KCNIP4: variants seen among roughly 807,000 people sequenced by gnomAD.
The protein encoded by KCNIP4 is Kv channel-interacting protein 4.
Under a neutral mutation model 34.0 loss-of-function variants are expected in KCNIP4, and 12 were observed. That is an observed-to-expected ratio of 0.35 (90% CI 0.23 to 0.57). The LOEUF (loss-of-function observed/expected upper bound fraction) is 0.57. Ranked by LOEUF, KCNIP4 falls within the 20% of genes least tolerant of loss-of-function variation. The pLI is 0.83. For missense variants in KCNIP4, 238 were observed against 311.7 expected, an observed-to-expected ratio of 0.76 and a Z score of 1.78; for synonymous variants, 124 against 102.2, an observed-to-expected ratio of 1.21 and a Z score of -1.29.
chr4:21,463,726 A>C (rs2109783009), intron 1 of KCNIP4, among the ~76,000 whole-genome samples: 2 of 152,092 alleles, frequency 1.3e-5, no homozygotes. Context: ...AGCTCCTAGA[A>C]TGGGTTTGGA....
At chr4:21,115,925 T>G (rs2109118132) in intron 1 of KCNIP4, among the ~76,000 whole-genome samples, 1 of 152,336 alleles carries the variant, frequency 6.6e-6, no homozygotes, top group East Asian at 1.9e-4. Flanking sequence ...TAACCAAATG[T>G]TTTTGAAAGA....
chr4:21,210,706 CTA>C (rs763200147), intron 1 of KCNIP4, among the ~76,000 whole-genome samples: 1 of 152,046 alleles, frequency 6.6e-6, no homozygotes, highest in African/African-American at 2.4e-5. Flanking sequence ...ACTGAAAGAG[CTA>C]TATGTTTTCC....
chr4:21,140,857 C>G (rs1269251044), intron 1 of KCNIP4, among the ~76,000 whole-genome samples: 1 of 152,190 alleles, frequency 6.6e-6, no homozygotes, highest in Non-Finnish European at 1.5e-5. Flanking sequence ...TCCTCTCAGT[C>G]TCAGTTTCTT....
chr4:21,014,858 G>A (rs757535194), intron 1 of KCNIP4, among the ~76,000 whole-genome samples: 22 of 152,106 alleles, frequency 1.4e-4, no homozygotes, highest in African/African-American at 3.6e-4. Flanking sequence ...TGGAAACAAC[G>A]CCAATGTCCA....
At chr4:20,838,543 G>C (rs1719339099) in intron 3 of KCNIP4, among the ~76,000 whole-genome samples, 2 of 152,136 alleles carry the variant, frequency 1.3e-5, no homozygotes, top group African/African-American at 4.8e-5. Flanking sequence ...CTAAGTTTGA[G>C]CCCTTAATGT....
chr4:21,076,749 G>T (rs1226696447), intron 1 of KCNIP4, among the ~76,000 whole-genome samples: 1 of 152,064 alleles, frequency 6.6e-6, no homozygotes, highest in Non-Finnish European at 1.5e-5. Flanking sequence ...GCATGCAAGG[G>T]CCATCCATCC....
chr4:21,226,230 AGGGGGAGGGAGG>A (rs1297828570), intron 1 of KCNIP4, among the ~76,000 whole-genome samples: 6 of 52,060 alleles, frequency 1.2e-4, no homozygotes, highest in Admixed American at 2.6e-4. Flanking sequence ...TGGGCAGCAT[AGGGGGAGGGAGG>A]GGGGGAGGGA....
Position 21,948,712 on chromosome 4 carries a change from C to A in KCNIP4, c.-81G>T. On this transcript the variant is annotated 5_prime_UTR_variant, in exon 1 of 9. Coordinates refer to ENST00000382152, the MANE Select transcript of KCNIP4 (RefSeq NM_025221.6). ...CTGTCCACGGGTCTGCACGGGAGCG[C>A]ACCGCCGCTCGGCCCGGGGGCGTCC... 1.2e-5 allele frequency: 17 copies of A among 1,434,268 alleles called. No individual in the cohort carries two copies. The highest frequency in any genetic ancestry group is 1.6e-5 in the Non-Finnish European group (17 of 1,075,528). 88.8% of individuals were successfully genotyped at this position (1,434,268 alleles called of 1,614,324 possible).
intron 1 of KCNIP4, among the ~76,000 whole-genome samples, chr4:21,110,002 C>T (rs541957394): frequency 4.0e-4 from 61 of 152,114 alleles, no homozygotes; most frequent in Non-Finnish European, 7.8e-4. Flanking sequence ...AGGGATGACA[C>T]CAAGCCTTCT....
chr4:21,002,413 A>G (rs1738213018), intron 1 of KCNIP4, among the ~76,000 whole-genome samples: 1 of 152,238 alleles, frequency 6.6e-6, no homozygotes, highest in South Asian at 2.1e-4. Context: ...AAAAGGCAGT[A>G]AGAGCAGAAT....
chr4:20,808,314 A>G (rs1216813305), intron 3 of KCNIP4, among the ~76,000 whole-genome samples: 2 of 152,208 alleles, frequency 1.3e-5, no homozygotes, highest in Non-Finnish European at 2.9e-5. Context: ...TATTTGAGAC[A>G]GGTCCTCTGT....
intron 1 of KCNIP4, among the ~76,000 whole-genome samples, chr4:20,996,848 G>T (rs1053109453): frequency 6.9e-6 from 1 of 143,964 alleles, no homozygotes; most frequent in Admixed American, 6.9e-5. Context: ...GCCCTTTACC[G>T]ACCTCATTCA....
chr4:21,908,990 T>C (rs1728152517), intron 1 of KCNIP4, among the ~76,000 whole-genome samples: 1 of 152,144 alleles, frequency 6.6e-6, no homozygotes. Context: ...CTCTAGTTTA[T>C]GTGTCATTAG....
chr4:21,632,627 T>G (rs1745846211), intron 1 of KCNIP4, among the ~76,000 whole-genome samples: 1 of 152,204 alleles, frequency 6.6e-6, no homozygotes, highest in African/African-American at 2.4e-5. Context: ...GGGTTTATAA[T>G]GAGTCACACT....
At chr4:21,542,704 A>G (rs1193371580) in intron 1 of KCNIP4, among the ~76,000 whole-genome samples, 2 of 150,400 alleles carry the variant, frequency 1.3e-5, no homozygotes, top group Admixed American at 6.6e-5. Context: ...ATATAAAAAT[A>G]TATATATAAA....
chr4:21,895,651 A>G (rs1233342793), intron 1 of KCNIP4, among the ~76,000 whole-genome samples: 1 of 152,204 alleles, frequency 6.6e-6, no homozygotes, highest in Non-Finnish European at 1.5e-5. Flanking sequence ...TTTGGGTTTC[A>G]TTAGGCCTGC....
chr4:20,763,604 A>G (rs1755127901), intron 3 of KCNIP4, among the ~76,000 whole-genome samples: 1 of 152,216 alleles, frequency 6.6e-6, no homozygotes, highest in African/African-American at 2.4e-5. Context: ...TATGGCCAGA[A>G]AGAAGACAAG....
At chr4:21,014,689 C>T (rs1403262883) in intron 1 of KCNIP4, among the ~76,000 whole-genome samples, 8 of 152,148 alleles carry the variant, frequency 5.3e-5, no homozygotes, top group African/African-American at 1.9e-4. Context: ...GGTGCAACTG[C>T]TGAGGAAAAT....
intron 5 of KCNIP4, among the ~76,000 whole-genome samples, chr4:20,748,652 C>G (rs59020971): frequency 0.17 from 23,272 of 140,502 alleles, 2,037 homozygotes; most frequent in Middle Eastern, 0.23. Flanking sequence ...AAACTGGAAT[C>G]ACAAAGCAAA....
Sources: allele counts gnomAD v4.1 joint callset (sites outside exome capture counted in the v4.1 genomes callset), GRCh38; gene constraint gnomAD v4.1.1; transcripts MANE v1.5; gene names NCBI Gene and HGNC (gene_info 2026-07-23, HGNC 2026-07-21).